Variants in TULP4 observed in about 807,000 individuals in gnomAD.
TULP4 encodes tubby-related protein 4.
TULP4 carries 16 observed loss-of-function variants against 129.0 expected under a neutral mutation model. That is an observed-to-expected ratio of 0.12 (90% confidence interval 0.08 to 0.19). The LOEUF is 0.19. TULP4 is among the 10% of genes least tolerant of loss of function. The probability of loss-of-function intolerance (pLI) is 1.00; values close to 1 mark genes in which losing one functional copy is unlikely to be tolerated. For synonymous variants in TULP4, 998 were observed against 854.0 expected, an observed-to-expected ratio of 1.17 and a Z score of -2.94; for missense variants, 1,842 against 2,059.1, an observed-to-expected ratio of 0.89 and a Z score of 2.04.
chr6:158,473,257 C>T (rs970490276), intron 6 of TULP4, among the ~76,000 whole-genome samples: 1 of 152,216 alleles, frequency 6.6e-6, no homozygotes, highest in Non-Finnish European at 1.5e-5. Flanking sequence ...TTAACTCTGC[C>T]TGTTCTGCTG....
chr6:158,246,128 G>C (rs1287532657), intron 1 of TULP4, among the ~76,000 whole-genome samples: 1 of 151,858 alleles, frequency 6.6e-6, no homozygotes, highest in Non-Finnish European at 1.5e-5. Context: ...AAGGAGAGTT[G>C]AGGTTATTTT....
intron 13 of TULP4, 63 bp from the exon 14 acceptor site, chr6:158,506,515 G>A (rs912885106): frequency 9.1e-7 from 1 of 1,099,088 alleles, no homozygotes; most frequent in South Asian, 1.2e-5. Context: ...ACAGGCGTGA[G>A]CCACTGCGCC....
chr6:158,255,280 G>T (rs578220435), intron 1 of TULP4, among the ~76,000 whole-genome samples: 1 of 152,202 alleles, frequency 6.6e-6, no homozygotes, highest in Admixed American at 6.5e-5. Flanking sequence ...AGACCCTGTC[G>T]AGTGCATATC....
At chr6:158,285,186 T>C (rs985889475) in intron 1 of TULP4, among the ~76,000 whole-genome samples, 2 of 152,210 alleles carry the variant, frequency 1.3e-5, no homozygotes, top group African/African-American at 4.8e-5. Context: ...AGATTTTGTA[T>C]TTTTATGTTA....
chr6:158,245,177 T>A (rs987032101), intron 1 of TULP4, among the ~76,000 whole-genome samples: 2 of 151,122 alleles, frequency 1.3e-5, no homozygotes, highest in Non-Finnish European at 3.0e-5. Context: ...TTTTTTTTTT[T>A]AGGGATGAAG....
intron 1 of TULP4, among the ~76,000 whole-genome samples, chr6:158,274,056 G>A (rs575434838): frequency 9.2e-5 from 14 of 151,948 alleles, no homozygotes; most frequent in Middle Eastern, 3.4e-3. Flanking sequence ...TCAGGAGTTC[G>A]AGACCAGCCT....
At chr6:158,250,143 ATTTCT>A (rs1430860425) in intron 1 of TULP4, among the ~76,000 whole-genome samples, 6 of 143,708 alleles carry the variant, frequency 4.2e-5, no homozygotes, top group South Asian at 2.2e-4. Context: ...GTTAAAATGC[ATTTCT>A]TTTCTTTTCT....
rs1327674529 is a variant in TULP4 at position 158,331,716 on chromosome 6, CACACACACACACAT to C, written c.252+17451_252+17464del. Among the ~76,000 whole-genome samples the C allele has an allele frequency of 1.0e-4, 5 of 50,192 alleles. 1 individual carries two copies. Among genetic ancestry groups the C allele is most frequent in the African/African-American group, 2.4e-4 (3 of 12,456 alleles). 32.9% of individuals were successfully genotyped at this position (50,192 alleles called of 152,430 possible). A position where few individuals can be genotyped will look rare whatever the true frequency, so the allele number is the denominator to read the frequency against. ...ACACACACACACACACACACACACA[CACACACACACACAT>C]ACGTATATATATACGTGTATATACA... is the stretch of plus-strand genomic sequence containing the variant. On this transcript the variant is annotated intron_variant, in intron 1 of 13. Coordinates refer to ENST00000367097, the MANE Select transcript of TULP4 (RefSeq NM_020245.5).
chr6:158,333,193 A>G (rs372948420), intron 1 of TULP4, among the ~76,000 whole-genome samples: 11 of 152,228 alleles, frequency 7.2e-5, no homozygotes, highest in African/African-American at 2.4e-4. Context: ...AAAAATTCAT[A>G]TGTTGAAGCC....
At chr6:158,232,240 C>T in exon 1 of TULP4, 1 of 148,560 alleles carries the variant, frequency 6.7e-6, no homozygotes, top group Non-Finnish European at 1.5e-5. Context: ...GGCGGCGATG[C>T]GGGGCTGCTG....
intron 1 of TULP4, 152 bp from the exon 2 acceptor site, chr6:158,412,913 T>C (rs1778128876): frequency 1.8e-6 from 2 of 1,082,794 alleles, no homozygotes; most frequent in African/African-American, 3.1e-5. Flanking sequence ...GTGTGAGCTC[T>C]GTCTGTTCCC....
intron 1 of TULP4, among the ~76,000 whole-genome samples, chr6:158,251,321 CTG>C (rs1236377546): frequency 6.6e-6 from 1 of 152,186 alleles, no homozygotes; most frequent in African/African-American, 2.4e-5. Flanking sequence ...TCATACTCTT[CTG>C]TGTGAAAAAT....
intron 1 of TULP4, among the ~76,000 whole-genome samples, chr6:158,362,040 G>A (rs990048507): frequency 6.6e-6 from 1 of 152,102 alleles, no homozygotes; most frequent in Non-Finnish European, 1.5e-5. Context: ...ACTGTTTTGC[G>A]ATTACTTTTA....
At position 158,423,133 on chromosome 6, in the gene TULP4, G is replaced by T. The variant is rs543202290; in HGVS notation, c.382-6603G>T. Among the ~76,000 whole-genome samples, 654 of 150,656 alleles carry T rather than the reference G, an allele frequency of 4.3e-3. 28 individuals are homozygous for T. The East Asian group carries it at 0.099, about 23-fold the overall frequency. ...CCTCCACAAAAAAGAGGGGGGGGGG[G>T]GGAAAGAAACCTTCCCAGGACCCCT... On this transcript the variant is annotated intron_variant, in intron 2 of 13. Transcript: ENST00000367097.
chr6:158,484,680 T>G (rs1780024862), intron 8 of TULP4, among the ~76,000 whole-genome samples: 1 of 152,110 alleles, frequency 6.6e-6, no homozygotes, highest in South Asian at 2.1e-4. Flanking sequence ...AGAGGACATA[T>G]GAGGACACAG....
At chr6:158,291,373 T>A (rs997383986) in intron 1 of TULP4, among the ~76,000 whole-genome samples, 1 of 152,256 alleles carries the variant, frequency 6.6e-6, no homozygotes, top group African/African-American at 2.4e-5. Flanking sequence ...TTCATTGATT[T>A]TGGCAGCCAG....
chr6:158,266,437 T>G (rs1778447429), intron 1 of TULP4, among the ~76,000 whole-genome samples: 1 of 152,128 alleles, frequency 6.6e-6, no homozygotes, highest in African/African-American at 2.4e-5. Context: ...TTGTATTTTT[T>G]GTAGAGACAT....
chr6:158,379,213 G>T (rs1583815961), intron 1 of TULP4, among the ~76,000 whole-genome samples: 1 of 152,142 alleles, frequency 6.6e-6, no homozygotes, highest in East Asian at 1.9e-4. Flanking sequence ...AAACTTCCTG[G>T]TCTAATGAGT....
intron 2 of TULP4, among the ~76,000 whole-genome samples, chr6:158,418,104 T>G (rs1038347189): frequency 1.3e-5 from 2 of 148,230 alleles, no homozygotes; most frequent in Non-Finnish European, 1.5e-5. Flanking sequence ...TGTGTGTTTT[T>G]TTTTTTTTTT....
Sources: allele counts gnomAD v4.1 joint callset (sites outside exome capture counted in the v4.1 genomes callset), GRCh38; gene constraint gnomAD v4.1.1; transcripts MANE v1.5; gene names NCBI Gene and HGNC (gene_info 2026-07-23, HGNC 2026-07-21).